The following RGS6 variants were observed in gnomAD, a reference collection of about 807,000 sequenced individuals.
The protein encoded by RGS6 is regulator of G protein signaling 6.
RGS6 carries 30 observed loss-of-function variants against 78.5 expected under a neutral mutation model. The observed-to-expected ratio is 0.38, with a 90% confidence interval of 0.29 to 0.52. The LOEUF (loss-of-function observed/expected upper bound fraction) is 0.52, where lower values mean the gene tolerates loss of function less well. RGS6 is among the 20% of genes least tolerant of loss of function. RGS6 has a pLI of 0.85. For missense variants in RGS6, 495 were observed against 609.7 expected, an observed-to-expected ratio of 0.81 and a Z score of 1.98; for synonymous variants, 206 against 206.0, an observed-to-expected ratio of 1.00 and a Z score of 0.00.
the RGS6 span, among the ~76,000 whole-genome samples, chr14:71,893,864 A>G: frequency 1.3e-5 from 2 of 152,312 alleles, no homozygotes; most frequent in African/African-American, 4.8e-5. Flanking sequence ...TAAGGCACAC[A>G]GTTGTTTATC....
intron 2 of RGS6, among the ~76,000 whole-genome samples, chr14:72,151,945 G>C (rs2096695281): frequency 6.6e-6 from 1 of 152,118 alleles, no homozygotes; most frequent in South Asian, 2.1e-4. Context: ...GTTTTTAATG[G>C]AAGAAACATG....
chr14:72,244,511 G>A (rs895905363), intron 2 of RGS6, among the ~76,000 whole-genome samples: 2 of 152,146 alleles, frequency 1.3e-5, no homozygotes, highest in Admixed American at 6.5e-5. Context: ...CATCTTTTCT[G>A]CCTCCCATTG....
At chr14:72,120,293 T>A (rs1849218774) in intron 2 of RGS6, among the ~76,000 whole-genome samples, 1 of 152,220 alleles carries the variant, frequency 6.6e-6, no homozygotes, top group Non-Finnish European at 1.5e-5. Context: ...GTGGAAACCT[T>A]CTTTCAAATG....
chr14:72,107,525 C>T (rs928433027), intron 2 of RGS6, among the ~76,000 whole-genome samples: 6 of 152,128 alleles, frequency 3.9e-5, no homozygotes, highest in Non-Finnish European at 7.4e-5. Flanking sequence ...AATGTCAAAA[C>T]CACAAACCAG....
intron 2 of RGS6, among the ~76,000 whole-genome samples, chr14:72,054,317 C>G (rs548398850): frequency 7.6e-4 from 115 of 152,232 alleles, no homozygotes; most frequent in African/African-American, 2.6e-3. Flanking sequence ...GCTCAATTAA[C>G]TATACCAGAG....
intron 14 of RGS6, among the ~76,000 whole-genome samples, chr14:72,511,123 G>A (rs902051400): frequency 2.0e-5 from 3 of 150,456 alleles, no homozygotes; most frequent in African/African-American, 7.4e-5. Context: ...GACTTATCTA[G>A]TGATCTTAGC....
chr14:72,370,301 G>A (rs552366173), intron 3 of RGS6, among the ~76,000 whole-genome samples: 1 of 152,308 alleles, frequency 6.6e-6, no homozygotes, highest in Non-Finnish European at 1.5e-5. Context: ...TAATCCAAGA[G>A]AGCACCTGTC....
At chr14:72,339,452 A>T (rs563925107) in intron 2 of RGS6, among the ~76,000 whole-genome samples, 6 of 152,334 alleles carry the variant, frequency 3.9e-5, no homozygotes, top group African/African-American at 1.4e-4. Flanking sequence ...GAACTAAAGA[A>T]CTAAAATGCC....
intron 2 of RGS6, among the ~76,000 whole-genome samples, chr14:72,281,152 T>G (rs1739223522): frequency 6.7e-6 from 1 of 148,910 alleles, no homozygotes; most frequent in Non-Finnish European, 1.5e-5. Context: ...TTCTTTTTTT[T>G]TTTTTTTTTT....
intron 2 of RGS6, among the ~76,000 whole-genome samples, chr14:72,303,056 A>G (rs972948907): frequency 8.5e-5 from 13 of 152,198 alleles, no homozygotes; most frequent in African/African-American, 2.9e-4. Flanking sequence ...CAGTGAGTCC[A>G]TTAAACCTCT....
intron 2 of RGS6, among the ~76,000 whole-genome samples, chr14:72,161,111 A>G (rs2096846346): frequency 6.6e-6 from 1 of 152,200 alleles, no homozygotes; most frequent in East Asian, 1.9e-4. Flanking sequence ...TGAAGCTGGA[A>G]ACCATCATTC....
In RGS6 at chr14:72,067,532, G is replaced by T. The variant is rs180962270; in HGVS notation, c.84+102657G>T. Among the ~76,000 whole-genome samples the T allele has an allele frequency of 6.8e-4, 102 of 149,330 alleles. 1 individual carries two copies. The highest frequency in any genetic ancestry group is 1.2e-3 in the Non-Finnish European group (79 of 67,196). ...AAAATAATACATTTGGATTTAGCAG[G>T]GTTTAGTGCGGCACTTTTTAATCAC... On this transcript the variant is annotated intron_variant, in intron 2 of 17. Transcript: ENST00000553525.
chr14:72,152,993 G>A (rs2096715963), intron 2 of RGS6, among the ~76,000 whole-genome samples: 1 of 152,160 alleles, frequency 6.6e-6, no homozygotes, highest in Admixed American at 6.5e-5. Context: ...CCCAGGAAGA[G>A]GAGGGGCCAG....
chr14:72,619,604 C>T, the RGS6 span, among the ~76,000 whole-genome samples: 10 of 152,148 alleles, frequency 6.6e-5, no homozygotes, highest in African/African-American at 2.2e-4. Context: ...AAACTAGTGT[C>T]GCCGGGCCTG....
At chr14:72,008,095 C>A (rs1350408148) in intron 2 of RGS6, among the ~76,000 whole-genome samples, 2 of 152,170 alleles carry the variant, frequency 1.3e-5, no homozygotes, top group African/African-American at 4.8e-5. Context: ...TAATTAGAGA[C>A]CAAATCAAGG....
At chr14:71,978,857 C>T (rs1386622964) in intron 2 of RGS6, among the ~76,000 whole-genome samples, 1 of 150,364 alleles carries the variant, frequency 6.7e-6, no homozygotes, top group Non-Finnish European at 1.5e-5. Context: ...CCTCCTTGTA[C>T]CTCTGGTAGA....
intron 3 of RGS6, among the ~76,000 whole-genome samples, chr14:72,370,770 G>C (rs527745171): frequency 1.3e-5 from 2 of 152,246 alleles, no homozygotes; most frequent in African/African-American, 2.4e-5. Context: ...AATGTAAACT[G>C]TTCCCACAGT....
At chr14:72,131,332 C>T (rs1157861860) in intron 2 of RGS6, among the ~76,000 whole-genome samples, 2 of 152,162 alleles carry the variant, frequency 1.3e-5, no homozygotes. Flanking sequence ...TCCCAGTCTA[C>T]TTGGGATACT....
intron 2 of RGS6, among the ~76,000 whole-genome samples, chr14:71,991,986 G>T (rs2094972769): frequency 6.6e-6 from 1 of 151,778 alleles, no homozygotes; most frequent in Admixed American, 6.6e-5. Flanking sequence ...TGGCCCATGG[G>T]TGGGGCTGTA....
Sources: gnomAD v4.1 joint callset for allele counts (sites outside exome capture counted in the v4.1 genomes callset) on GRCh38, gnomAD v4.1.1 for gene constraint, MANE v1.5 for transcripts, NCBI Gene and HGNC (gene_info 2026-07-23, HGNC 2026-07-21) for gene names.